Variants in MACROD2 observed in about 807,000 individuals in gnomAD.
MACROD2 encodes the protein ADP-ribose glycohydrolase MACROD2.
MACROD2 carries 36 observed loss-of-function variants against 70.4 expected under a neutral mutation model. That is an observed-to-expected ratio of 0.51 (90% CI 0.39 to 0.68). The LOEUF (loss-of-function observed/expected upper bound fraction) is 0.68, where lower values mean the gene tolerates loss of function less well. MACROD2 is among the 30% of genes least tolerant of loss of function. The probability of loss-of-function intolerance (pLI) is 0.00; values close to 1 mark genes in which losing one functional copy is unlikely to be tolerated. For missense variants in MACROD2, 496 were observed against 538.4 expected (o/e 0.92, Z 0.78); for synonymous variants, 172 against 178.8 (o/e 0.96, Z 0.30).
intron 5 of MACROD2, among the ~76,000 whole-genome samples, chr20:15,125,732 G>A (rs1019831667): frequency 6.6e-6 from 1 of 151,906 alleles, no homozygotes; most frequent in African/African-American, 2.4e-5. Context: ...ATTTTAAAGT[G>A]TATAATTCAG....
Position 15,007,920 on chromosome 20 carries a change from T to G in MACROD2, c.419-222020T>G, listed in dbSNP as rs545790187. Among the ~76,000 whole-genome samples, 7 of 152,312 alleles carry G rather than the reference T, an allele frequency of 4.6e-5. No homozygotes were observed. In the East Asian group the frequency reaches 1.4e-3, roughly 29 times the overall value. On this transcript the variant is annotated intron_variant, in intron 5 of 17. Coordinates refer to ENST00000684519, the MANE Select transcript of MACROD2 (RefSeq NM_001351661.2). ...TTGTGCAGGCCAGGGGAACCCTGAT[T>G]TGCATTCAGAATCCTAACTCCAAAG...
chr20:15,884,749 G>A (rs956377355), intron 9 of MACROD2, among the ~76,000 whole-genome samples: 1 of 152,062 alleles, frequency 6.6e-6, no homozygotes, highest in Middle Eastern at 3.2e-3. Context: ...GTCCATTTGG[G>A]CTGCTGTAAC....
chr20:15,504,418 C>T (rs544496728), intron 8 of MACROD2, among the ~76,000 whole-genome samples: 1 of 152,056 alleles, frequency 6.6e-6, no homozygotes, highest in East Asian at 1.9e-4. Context: ...AATTGAGGCA[C>T]AAAAATGACT....
intron 8 of MACROD2, among the ~76,000 whole-genome samples, chr20:15,805,054 A>T (rs1232428702): frequency 6.6e-6 from 1 of 151,942 alleles, no homozygotes; most frequent in Non-Finnish European, 1.5e-5. Context: ...TCTCTATCTC[A>T]CTTTTCAATG....
At chr20:14,867,089 C>A (rs1324211048) in intron 5 of MACROD2, among the ~76,000 whole-genome samples, 3 of 152,020 alleles carry the variant, frequency 2.0e-5, no homozygotes, top group Non-Finnish European at 4.4e-5. Context: ...CCTCAAGGAT[C>A]GTGTTTAGGT....
At chr20:15,870,464 T>C (rs1183595669) in intron 9 of MACROD2, among the ~76,000 whole-genome samples, 1 of 152,140 alleles carries the variant, frequency 6.6e-6, no homozygotes, top group Non-Finnish European at 1.5e-5. Context: ...AAAACTCATG[T>C]TGAAATTTAA....
chr20:14,851,581 AC>A (rs1339822017), intron 5 of MACROD2, among the ~76,000 whole-genome samples: 2 of 152,166 alleles, frequency 1.3e-5, no homozygotes, highest in Non-Finnish European at 2.9e-5. Flanking sequence ...GAAACACAAT[AC>A]TGTCTTAGGA....
intron 4 of MACROD2, among the ~76,000 whole-genome samples, chr20:14,539,525 A>G (rs912267042): frequency 2.0e-5 from 3 of 152,126 alleles, no homozygotes; most frequent in African/African-American, 7.2e-5. Context: ...AGGCCCTGAA[A>G]ACCAGCTATT....
chr20:15,785,792 C>A (rs1481435654), intron 8 of MACROD2, among the ~76,000 whole-genome samples: 1 of 151,964 alleles, frequency 6.6e-6, no homozygotes, highest in African/African-American at 2.4e-5. Flanking sequence ...CTCTTCTGCA[C>A]AAAATAGCCA....
chr20:14,974,265 G>A (rs952927027), intron 5 of MACROD2, among the ~76,000 whole-genome samples: 2 of 152,150 alleles, frequency 1.3e-5, no homozygotes, highest in Admixed American at 1.3e-4. Context: ...CCACTGTGGG[G>A]ATTAAATTTC....
chr20:15,311,852 T>C (rs975339091), intron 6 of MACROD2, among the ~76,000 whole-genome samples: 3 of 152,154 alleles, frequency 2.0e-5, no homozygotes, highest in African/African-American at 7.2e-5. Context: ...ACCTGGTGAT[T>C]GGATCATTTG....
intron 8 of MACROD2, among the ~76,000 whole-genome samples, chr20:15,713,901 TATTAAG>T (rs1387039195): frequency 1.3e-5 from 2 of 151,790 alleles, no homozygotes; most frequent in African/African-American, 4.8e-5. Flanking sequence ...GGCTGAAGGT[TATTAAG>T]ATTAAGAAGA....
In MACROD2 at chr20:14,450,340, C is replaced by G. The variant is rs142240780; in HGVS notation, c.272-43139C>G. On this transcript the variant is annotated intron_variant, in intron 3 of 17. Transcript: ENST00000684519. ...AGAAACAAATTTCATGTGTAAATGA[C>G]ACCATTTTAGGAAGTGAACGTCAAA... Among the ~76,000 whole-genome samples, 347 of 152,186 alleles carry G rather than the reference C, an allele frequency of 2.3e-3. 3 individuals are homozygous for G. The highest frequency in any genetic ancestry group is 4.0e-3 in the Non-Finnish European group (275 of 68,024).
At chr20:15,356,458 A>G (rs575420201) in intron 6 of MACROD2, among the ~76,000 whole-genome samples, 1 of 152,336 alleles carries the variant, frequency 6.6e-6, no homozygotes, top group South Asian at 2.1e-4. Flanking sequence ...CATTCTTGAT[A>G]AAAATACCAG....
intron 5 of MACROD2, among the ~76,000 whole-genome samples, chr20:15,088,431 AT>A (rs1568567371): frequency 6.2e-4 from 21 of 34,000 alleles, no homozygotes; most frequent in African/African-American, 1.1e-3. Flanking sequence ...ATATATATAT[AT>A]ATATATATAT....
chr20:14,406,095 T>C (rs1291622211), intron 3 of MACROD2, among the ~76,000 whole-genome samples: 1 of 152,160 alleles, frequency 6.6e-6, no homozygotes, highest in East Asian at 1.9e-4. Flanking sequence ...TCTTAGAGGA[T>C]ACTTTCTTTT....
At chr20:13,996,161 C>T (rs2052644757) in intron 1 of MACROD2, among the ~76,000 whole-genome samples, 1 of 151,786 alleles carries the variant, frequency 6.6e-6, no homozygotes, top group Non-Finnish European at 1.5e-5. Context: ...TGCACCGCAG[C>T]TGGGACTTGG....
intron 8 of MACROD2, among the ~76,000 whole-genome samples, chr20:15,551,710 A>C (rs1017928544): frequency 1.3e-5 from 2 of 151,990 alleles, no homozygotes; most frequent in Non-Finnish European, 2.9e-5. Flanking sequence ...CTCTACAAAA[A>C]ATAAAAACTT....
Position 14,303,273 on chromosome 20 carries a change from CAACAGCTG to C in MACROD2, c.272-190204_272-190197del, listed in dbSNP as rs562605511. 8.6e-3 allele frequency among the ~76,000 whole-genome samples: 1,315 copies of C among 152,284 alleles called. 6 individuals carry two copies. The highest frequency in any genetic ancestry group is 0.02 in the Middle Eastern group (6 of 294). On this transcript the variant is annotated intron_variant, in intron 3 of 17. Transcript: ENST00000684519. ...AATGCACAAGGCCTCAGGCAGCAAG[CAACAGCTG>C]AGGGGATCAGCGGATCTTTTAATCT...
Sources: gnomAD v4.1 joint callset for allele counts (sites outside exome capture counted in the v4.1 genomes callset) on GRCh38, gnomAD v4.1.1 for gene constraint, MANE v1.5 for transcripts, NCBI Gene and HGNC (gene_info 2026-07-23, HGNC 2026-07-21) for gene names.